The following ANKRD6 variants were observed in gnomAD, a reference collection of about 807,000 sequenced individuals.
The protein encoded by ANKRD6 is ankyrin repeat domain 6.
Under a neutral mutation model 82.3 loss-of-function variants are expected in ANKRD6, and 56 were observed. The ratio of observed to expected loss-of-function variants is 0.68; its 90% confidence interval spans 0.55 to 0.85. The LOEUF (loss-of-function observed/expected upper bound fraction) is 0.85, where lower values mean the gene tolerates loss of function less well. Among genes scored for constraint, ANKRD6 ranks in the 40% least tolerant of loss-of-function variants. The pLI is 0.00. For missense variants in ANKRD6, 852 were observed against 907.6 expected (o/e 0.94, Z 0.79); for synonymous variants, 347 against 352.1 (o/e 0.99, Z 0.16).
At chr6:89,604,417 A>G (rs1044156526) in intron 4 of ANKRD6, among the ~76,000 whole-genome samples, 2 of 152,014 alleles carry the variant, frequency 1.3e-5, no homozygotes, top group African/African-American at 4.8e-5. Context: ...TTTTCAAACA[A>G]TCTTAAAACA....
intron 2 of ANKRD6, among the ~76,000 whole-genome samples, chr6:89,589,313 G>C (rs1794419668): frequency 6.6e-6 from 1 of 152,170 alleles, no homozygotes; most frequent in Non-Finnish European, 1.5e-5. Flanking sequence ...GTTTCTGTAG[G>C]TTGTAGTTCT....
At chr6:89,462,637 C>G (rs965488509) in intron 1 of ANKRD6, among the ~76,000 whole-genome samples, 2 of 152,176 alleles carry the variant, frequency 1.3e-5, no homozygotes, top group Non-Finnish European at 2.9e-5. Flanking sequence ...TCATATGCCT[C>G]TGTTCTGTCT....
At chr6:89,516,530 A>G (rs1310591118) in intron 1 of ANKRD6, among the ~76,000 whole-genome samples, 1 of 152,134 alleles carries the variant, frequency 6.6e-6, no homozygotes. Context: ...GCTGGAGTGC[A>G]GTGGTGTGAT....
rs1488445215 is a variant in ANKRD6, at chr6:89,548,276, G to A, written c.-143-18558G>A. ...TTTTGGACATTTCATATAAATAGAA[G>A]CATGCACTATGTGGTGTTTTGTATC... On this transcript the variant is annotated intron_variant, in intron 1 of 15. Transcript: ENST00000339746. 2.6e-5 allele frequency among the ~76,000 whole-genome samples: 4 copies of A among 152,136 alleles called. No homozygotes were observed. In the East Asian group the frequency reaches 7.7e-4, roughly 29 times the overall value.
chr6:89,620,202 G>A (rs1027231706), intron 9 of ANKRD6: 2 of 152,200 alleles, frequency 1.3e-5, no homozygotes, highest in Non-Finnish European at 2.9e-5. Context: ...TCACTTCTGT[G>A]GACTGGAAAA....
At chr6:89,470,035 A>G (rs761835757) in intron 1 of ANKRD6, among the ~76,000 whole-genome samples, 6 of 152,210 alleles carry the variant, frequency 3.9e-5, no homozygotes, top group Non-Finnish European at 8.8e-5. Context: ...CAAGAAAAAA[A>G]TGCAAATAAT....
At chr6:89,528,839 G>A (rs986711883) in intron 1 of ANKRD6, among the ~76,000 whole-genome samples, 2 of 152,164 alleles carry the variant, frequency 1.3e-5, no homozygotes, top group Non-Finnish European at 2.9e-5. Flanking sequence ...AGAGCTCTTG[G>A]GTGACCAGGT....
At position 89,621,902 on chromosome 6, in the gene ANKRD6, A is replaced by G. The variant is rs769833794; in HGVS notation, c.793-20A>G. ...GCTGCGCACACCAGTGGTTGTAACA[A>G]TGCCGTTTGCCTCCTTCAGGTCTTG... On this transcript the variant is annotated intron_variant, in intron 9 of 15. Transcript: ENST00000339746. 3.1e-6 allele frequency: 5 copies of G among 1,611,682 alleles called. No homozygotes were observed. The African/African-American group carries it at 4.0e-5, about 13-fold the overall frequency.
chr6:89,497,559 CTG>C (rs1013608496), intron 1 of ANKRD6, among the ~76,000 whole-genome samples: 2 of 152,146 alleles, frequency 1.3e-5, no homozygotes, highest in African/African-American at 2.4e-5. Flanking sequence ...TCCTAGGAAA[CTG>C]TCTTGTTTTC....
rs562958346 is a variant in ANKRD6, at chr6:89,524,048, G to A, written c.-143-42786G>A. ...TAGGCCAGGAGAGCCAGACTAGCAG[G>A]AGTAGGATGATAACCTTTGGCAGGA... On this transcript the variant is annotated intron_variant, in intron 1 of 15. Transcript: ENST00000339746. Among the ~76,000 whole-genome samples the A allele has an allele frequency of 9.5e-4, 144 of 152,274 alleles. 1 individual carries two copies. In the South Asian group the frequency reaches 0.029, roughly 30 times the overall value.
In ANKRD6 at chr6:89,616,837, G is replaced by A. The variant is rs1333756534; in HGVS notation, c.714+180G>A. ...TTGAAGGGTACCCCTGCTCTGAGCA[G>A]CCCCAGGAGTTGACAAGCCTTGGGG... On this transcript the variant is annotated intron_variant, in intron 8 of 15. Transcript: ENST00000339746. 1.1e-5 allele frequency: 8 copies of A among 710,526 alleles called. No homozygotes were observed. In the Admixed American group the frequency reaches 1.6e-4, roughly 14 times the overall value. The allele number at this position is 710,526 out of a possible 1,614,324, so 44.0% of individuals were successfully genotyped here. A position where few individuals can be genotyped will look rare whatever the true frequency, so the allele number is the denominator to read the frequency against.
intron 1 of ANKRD6, among the ~76,000 whole-genome samples, chr6:89,442,630 C>G (rs1197435603): frequency 1.7e-5 from 2 of 115,994 alleles, no homozygotes; most frequent in East Asian, 5.6e-4. Flanking sequence ...GAGCAAAACC[C>G]TGTCTCAAAA....
At chr6:89,442,082 G>A (rs542032024) in intron 1 of ANKRD6, among the ~76,000 whole-genome samples, 4 of 152,116 alleles carry the variant, frequency 2.6e-5, no homozygotes, top group Admixed American at 2.0e-4. Flanking sequence ...TGCAGCCTCT[G>A]CCTCCCAGGT....
At chr6:89,593,906 C>G (rs926353345) in intron 2 of ANKRD6, among the ~76,000 whole-genome samples, 1 of 152,194 alleles carries the variant, frequency 6.6e-6, no homozygotes, top group African/African-American at 2.4e-5. Context: ...TGATGTGGCA[C>G]CTTGGGAGCC....
At chr6:89,545,226 A>AAAAAAG (rs1554231622) in intron 1 of ANKRD6, among the ~76,000 whole-genome samples, 1 of 149,118 alleles carries the variant, frequency 6.7e-6, no homozygotes, top group Non-Finnish European at 1.5e-5. Context: ...AAAAAAAAAA[A>AAAAAAG]AAAAGAAAAG....
At chr6:89,434,488 TTTG>T (rs1029553645) in intron 1 of ANKRD6, among the ~76,000 whole-genome samples, 6 of 152,304 alleles carry the variant, frequency 3.9e-5, no homozygotes, top group Admixed American at 3.3e-4. Context: ...TGGCGGGGTT[TTTG>T]TTGTTGTTGT....
At chr6:89,476,467 CA>C (rs780527072) in intron 1 of ANKRD6, among the ~76,000 whole-genome samples, 1 of 152,048 alleles carries the variant, frequency 6.6e-6, no homozygotes, top group Admixed American at 6.6e-5. Flanking sequence ...GGCACCCAGC[CA>C]ATATGTGTGT....
chr6:89,488,595 T>C (rs1299316178), intron 1 of ANKRD6, among the ~76,000 whole-genome samples: 1 of 152,224 alleles, frequency 6.6e-6, no homozygotes, highest in East Asian at 1.9e-4. Flanking sequence ...GAAAATACAT[T>C]TTAGGCCCCC....
At chr6:89,487,776 T>C (rs1188375458) in intron 1 of ANKRD6, among the ~76,000 whole-genome samples, 1 of 152,224 alleles carries the variant, frequency 6.6e-6, no homozygotes, top group Non-Finnish European at 1.5e-5. Flanking sequence ...TGTGAATGTG[T>C]AGTCCTCAGA....
Sources: allele counts gnomAD v4.1 joint callset (sites outside exome capture counted in the v4.1 genomes callset), GRCh38; gene constraint gnomAD v4.1.1; transcripts MANE v1.5; gene names NCBI Gene and HGNC (gene_info 2026-07-23, HGNC 2026-07-21).